The following VAV2 variants were observed in gnomAD, a reference collection of about 807,000 sequenced individuals.
VAV2 encodes the protein guanine nucleotide exchange factor VAV2.
VAV2 carries 67 observed loss-of-function variants against 132.5 expected under a neutral mutation model. The observed-to-expected ratio is 0.51, with a 90% CI of 0.42 to 0.62. VAV2 has a LOEUF of 0.62. VAV2 is among the 20% of genes least tolerant of loss of function. The pLI, the probability that VAV2 is intolerant of heterozygous loss-of-function variation, is 0.00. For synonymous variants in VAV2, 492 were observed against 443.5 expected (o/e 1.11, Z -1.37); for missense variants, 938 against 1,153.6 (o/e 0.81, Z 2.71).
intron 1 of VAV2, among the ~76,000 whole-genome samples, chr9:133,967,890 A>G (rs1241444379): frequency 3.7e-5 from 5 of 134,976 alleles, no homozygotes; most frequent in Non-Finnish European, 7.7e-5. Flanking sequence ...CCAAGATCAC[A>G]CCACTGCACT....
At chr9:133,975,208 A>AC (rs1469131899) in intron 1 of VAV2, among the ~76,000 whole-genome samples, 4 of 149,614 alleles carry the variant, frequency 2.7e-5, no homozygotes, top group Non-Finnish European at 6.0e-5. Flanking sequence ...CTGCCCCGGC[A>AC]CCCCCGCCAT....
chr9:133,872,908 T>C (rs1838116462), intron 2 of VAV2, among the ~76,000 whole-genome samples: 1 of 152,028 alleles, frequency 6.6e-6, no homozygotes, highest in Non-Finnish European at 1.5e-5. Context: ...AAGCTAGAAG[T>C]TCTAGACCAG....
At chr9:133,820,577 G>T (rs1314144902) in intron 4 of VAV2, among the ~76,000 whole-genome samples, 1 of 152,070 alleles carries the variant, frequency 6.6e-6, no homozygotes, top group Non-Finnish European at 1.5e-5. Context: ...CGCCCGCCTC[G>T]GCCTCCCAAA....
rs980918845 is a variant in VAV2 at position 133,912,396 on chromosome 9, G to A, written c.321+26707C>T. Among the ~76,000 whole-genome samples the A allele has an allele frequency of 3.3e-5, 5 of 152,176 alleles. No individual in the cohort carries two copies. The highest frequency in any genetic ancestry group is 1.9e-4 in the East Asian group (1 of 5,196). ...CACAGTCCTGCCACACAAACGAGCC[G>A]GAGGCTTCTGGAGGACAGTGTGCCT... On this transcript the variant is annotated intron_variant, in intron 2 of 29. Coordinates refer to ENST00000371850, the MANE Select transcript of VAV2 (RefSeq NM_001134398.2). This position sits in a 1 kb window ranked among gnomAD's most constrained non-coding sequence, Gnocchi z 4.3.
At chr9:133,847,289 C>T (rs993468249) in intron 3 of VAV2, among the ~76,000 whole-genome samples, 4 of 152,202 alleles carry the variant, frequency 2.6e-5, no homozygotes, top group Admixed American at 6.5e-5. Flanking sequence ...GAACAAAATT[C>T]TCCAAATAGC....
rs931183286 is a variant in VAV2 at position 133,824,802 on chromosome 9, C to A, written c.449+9470G>T. On this transcript the variant is annotated intron_variant, in intron 4 of 29. Coordinates refer to ENST00000371850, the MANE Select transcript of VAV2 (RefSeq NM_001134398.2). This position sits in a 1 kb window ranked among gnomAD's most constrained non-coding sequence, Gnocchi z 5.2. ...AGCTGGGCTCAAATTGCAGCTCTGC[C>A]CCCTAGTTCTGTACGACTCTGACCA... is the stretch of plus-strand genomic sequence containing the variant. 2.6e-5 allele frequency among the ~76,000 whole-genome samples: 4 copies of A among 152,208 alleles called. No homozygotes were observed. Among genetic ancestry groups the A allele is most frequent in the Non-Finnish European group, 5.9e-5 (4 of 68,034 alleles).
chr9:133,910,842 AAGAAAAAG>A (rs1839860186), intron 2 of VAV2, among the ~76,000 whole-genome samples: 2 of 150,998 alleles, frequency 1.3e-5, no homozygotes, highest in Non-Finnish European at 2.9e-5. Flanking sequence ...AAAAAAGAAA[AAGAAAAAG>A]AAAACTGGGG....
intron 20 of VAV2, chr9:133,780,143 G>C: frequency 1.5e-6 from 1 of 650,492 alleles, no homozygotes; most frequent in Non-Finnish European, 2.6e-6. Flanking sequence ...CTCCACTCCT[G>C]GAAGGTCTGT....
At chr9:133,864,217 C>T (rs1475268431) in intron 2 of VAV2, among the ~76,000 whole-genome samples, 2 of 151,662 alleles carry the variant, frequency 1.3e-5, no homozygotes, top group South Asian at 2.1e-4. Context: ...CGCAGACAGC[C>T]GCGGGGCAGG....
At chr9:133,938,560 TC>T (rs2132133296) in intron 2 of VAV2, among the ~76,000 whole-genome samples, 1 of 152,086 alleles carries the variant, frequency 6.6e-6, no homozygotes, top group East Asian at 1.9e-4. Context: ...CAGAGACACT[TC>T]CCGGGGTCAC....
At chr9:133,985,720 A>G (rs1473662036) in intron 1 of VAV2, among the ~76,000 whole-genome samples, 1 of 152,252 alleles carries the variant, frequency 6.6e-6, no homozygotes, top group Non-Finnish European at 1.5e-5. Flanking sequence ...GTTACCAGCC[A>G]GAAAGTCAGG....
chr9:133,773,331 T>C (rs1000952338), intron 25 of VAV2, among the ~76,000 whole-genome samples: 5 of 152,174 alleles, frequency 3.3e-5, no homozygotes, highest in African/African-American at 9.7e-5. Context: ...GACAGCTGTA[T>C]GGGGTGCTTA....
chr9:133,897,506 G>A (rs1211964234), intron 2 of VAV2, among the ~76,000 whole-genome samples: 1 of 152,108 alleles, frequency 6.6e-6, no homozygotes. Flanking sequence ...ACGAAACTGG[G>A]TCCCAGGAGG....
intron 7 of VAV2, among the ~76,000 whole-genome samples, 195 bp downstream of exon 7, chr9:133,808,845 T>C (rs925244120): frequency 5.9e-5 from 9 of 152,152 alleles, no homozygotes; most frequent in African/African-American, 2.2e-4. Context: ...TTCAGGGGCT[T>C]CAGAGGAAAG....
chr9:133,772,578 T>C (rs1267077161), intron 25 of VAV2, among the ~76,000 whole-genome samples: 1 of 152,146 alleles, frequency 6.6e-6, no homozygotes, highest in Non-Finnish European at 1.5e-5. Flanking sequence ...TCAATTCAAA[T>C]GTGACCTTAC....
chr9:133,940,274 G>C (rs1005186233), intron 1 of VAV2, among the ~76,000 whole-genome samples: 2 of 152,180 alleles, frequency 1.3e-5, no homozygotes, highest in East Asian at 3.8e-4. Context: ...GGGGATTCGC[G>C]AGGGGAGGGT....
chr9:133,908,636 C>T (rs1471999844), intron 2 of VAV2, among the ~76,000 whole-genome samples: 1 of 152,220 alleles, frequency 6.6e-6, no homozygotes, highest in Middle Eastern at 3.2e-3. Flanking sequence ...ATCTTTGAAC[C>T]TAACGGCCCA....
chr9:133,984,598 G>A, intron 1 of VAV2, among the ~76,000 whole-genome samples: 1 of 152,188 alleles, frequency 6.6e-6, no homozygotes, highest in East Asian at 1.9e-4. Context: ...GGGCAACAGA[G>A]TGAGACCCTG....
In VAV2 at chr9:133,784,302, G is replaced by A. The variant is rs1834131560; in HGVS notation, c.1634+15C>T. ...GTGGAGCGAGGTGAGGGCTGTAGCA[G>A]GGGGTTTCCCACACCTGAGGAACAT... On this transcript the variant is annotated intron_variant, in intron 18 of 29. Coordinates refer to ENST00000371850, the MANE Select transcript of VAV2 (RefSeq NM_001134398.2). 1 of 1,612,070 alleles carries A rather than the reference G, an allele frequency of 6.2e-7. No homozygotes were observed. Among genetic ancestry groups the A allele is most frequent in the African/African-American group, 1.3e-5 (1 of 74,894 alleles).
Sources: gnomAD v4.1 joint callset for allele counts (sites outside exome capture counted in the v4.1 genomes callset) on GRCh38, gnomAD v4.1.1 for gene constraint, Gnocchi (gnomAD v3.1) non-coding constraint, MANE v1.5 for transcripts, NCBI Gene and HGNC (gene_info 2026-07-23, HGNC 2026-07-21) for gene names.